Variants in SULF2 observed in about 807,000 individuals in gnomAD.
The protein encoded by SULF2 is extracellular sulfatase Sulf-2.
Under a neutral mutation model 107.7 loss-of-function variants are expected in SULF2, and 52 were observed. The observed-to-expected ratio is 0.48, with a 90% CI of 0.39 to 0.61. The LOEUF (loss-of-function observed/expected upper bound fraction) is 0.61. Among genes scored for constraint, SULF2 ranks in the 20% least tolerant of loss-of-function variants. The pLI is 0.00. For missense variants in SULF2, 993 were observed against 1,177.3 expected (o/e 0.84, Z 2.29); for synonymous variants, 460 against 464.3 (o/e 0.99, Z 0.12).
chr20:47,707,180 G>C (rs934224004), intron 3 of SULF2, among the ~76,000 whole-genome samples: 1 of 151,898 alleles, frequency 6.6e-6, no homozygotes, highest in African/African-American at 2.4e-5. Flanking sequence ...GTAGAGATAG[G>C]GTTTCACCAT....
chr20:47,752,220 G>C (rs1480814344), intron 2 of SULF2, among the ~76,000 whole-genome samples: 3 of 152,204 alleles, frequency 2.0e-5, no homozygotes, highest in Non-Finnish European at 4.4e-5. Context: ...CCAAGTGAGA[G>C]CAAACTGTCA....
rs1360625134 is a variant in SULF2 at position 47,771,983 on chromosome 20, T to A, written c.-101+13360A>T. 2.0e-5 allele frequency among the ~76,000 whole-genome samples: 3 copies of A among 152,312 alleles called. No individual in the cohort carries two copies. In the East Asian group the frequency reaches 5.8e-4, roughly 29 times the overall value. ...GCAGGGGCTCCTGATTTGAGGCAAA[T>A]GGTACAGCCTGATCTGCTCCGAAAG... On this transcript the variant is annotated intron_variant, in intron 1 of 20. Coordinates refer to ENST00000688720, the MANE Select transcript of SULF2 (RefSeq NM_001387048.1).
At chr20:47,711,579 T>C (rs78890139) in intron 3 of SULF2, among the ~76,000 whole-genome samples, 2,276 of 152,314 alleles carry the variant, frequency 0.015, 40 homozygotes, top group Middle Eastern at 0.041. Context: ...TTTCGGTACA[T>C]GTTCATCCCA....
chr20:47,768,882 G>GTTTTT (rs11473246), intron 1 of SULF2, among the ~76,000 whole-genome samples: 3,258 of 127,340 alleles, frequency 0.026, 121 homozygotes, highest in South Asian at 0.055. Context: ...TTGTGTGCGT[G>GTTTTT]TTTTTTTTTT....
intron 2 of SULF2, among the ~76,000 whole-genome samples, chr20:47,744,115 C>T (rs946686184): frequency 3.3e-5 from 5 of 152,150 alleles, no homozygotes; most frequent in South Asian, 2.1e-4. Flanking sequence ...GTGGGGTACA[C>T]GGTGGGTGGG....
intron 18 of SULF2, 61 bp downstream of exon 18, chr20:47,661,712 C>T: frequency 7.1e-7 from 1 of 1,407,704 alleles, no homozygotes; most frequent in South Asian, 1.7e-5. Context: ...ACACCACCTC[C>T]TGAGTCCCTT....
At chr20:47,672,685 T>A in intron 10 of SULF2, 1 of 345,740 alleles carries the variant, frequency 2.9e-6, no homozygotes, top group Non-Finnish European at 4.1e-6. Context: ...GGAATCTTTT[T>A]AAAGGGCAAG....
chr20:47,760,326 G>A (rs1232629426), intron 1 of SULF2, among the ~76,000 whole-genome samples: 3 of 152,160 alleles, frequency 2.0e-5, no homozygotes, highest in African/African-American at 7.2e-5. Flanking sequence ...GAGGTGGTGG[G>A]AAGTCCGTGC....
intron 3 of SULF2, among the ~76,000 whole-genome samples, chr20:47,731,355 G>A (rs1018770079): frequency 6.6e-6 from 1 of 151,752 alleles, no homozygotes; most frequent in African/African-American, 2.4e-5. Context: ...ACCATGCCTG[G>A]CTAATTTTTG....
At chr20:47,685,526 CTTTGT>C (rs1445841792) in intron 5 of SULF2, 4 of 146,982 alleles carry the variant, frequency 2.7e-5, no homozygotes, top group African/African-American at 7.6e-5. Context: ...CACCTGGCCT[CTTTGT>C]TTTGAGATGG....
At chr20:47,731,479 C>T (rs2089610573) in intron 3 of SULF2, among the ~76,000 whole-genome samples, 1 of 152,214 alleles carries the variant, frequency 6.6e-6, no homozygotes, top group East Asian at 1.9e-4. Context: ...AGGCTTCAGT[C>T]ACCGTGCCTG....
intron 10 of SULF2, 98 bp downstream of exon 10, chr20:47,676,396 C>A: frequency 7.1e-7 from 1 of 1,404,536 alleles, no homozygotes; most frequent in Non-Finnish European, 9.6e-7. Flanking sequence ...CGTTGGGAGG[C>A]CCTGGCCCTG....
chr20:47,663,617 C>A lies in SULF2; in HGVS notation c.2063G>T (p.Gly688Val). The A allele has an allele frequency of 2.5e-6, 4 of 1,586,932 alleles. No individual in the cohort carries two copies. The highest frequency in any genetic ancestry group is 1.2e-5 in the South Asian group (1 of 86,740). Residue 688 changes from glycine (G) to valine (V), a missense_variant, in exon 16 of 21, where the codon GGC (glycine) becomes GTC (valine). By Grantham distance (109) the Gly-to-Val change is moderately radical. This residue lies in a region of SULF2 where 497 missense variants were observed against 544.1 expected (regional missense o/e 0.91). Coordinates refer to ENST00000688720, the MANE Select transcript of SULF2 (RefSeq NM_001387048.1). ...RGSSLHPFRKGLQEKDKVWLL... is the reference protein window; with the variant it reads ...RGSSLHPFRKVLQEKDKVWLL... The stretch of plus-strand genomic sequence containing the variant: ...CCACACCTTGTCCTTCTCTTGCAGG[C>A]CCTTCCTATGGGCGCAGAGGGCCAC...
intron 2 of SULF2, among the ~76,000 whole-genome samples, chr20:47,741,183 G>C (rs1377380673): frequency 6.6e-6 from 1 of 152,142 alleles, no homozygotes; most frequent in Non-Finnish European, 1.5e-5. Flanking sequence ...TGCTCACTCA[G>C]AGGAGCCCAA....
chr20:47,747,074 C>A (rs999834680), intron 2 of SULF2, among the ~76,000 whole-genome samples: 1 of 138,758 alleles, frequency 7.2e-6, no homozygotes, highest in Non-Finnish European at 1.5e-5. Flanking sequence ...TATAGATGTG[C>A]TCACTGCTGC....
intron 4 of SULF2, among the ~76,000 whole-genome samples, chr20:47,700,029 T>C (rs946118789): frequency 6.6e-6 from 1 of 151,936 alleles, no homozygotes; most frequent in Non-Finnish European, 1.5e-5. Context: ...GAAAGAGGGA[T>C]GGATTTGGCA....
chr20:47,710,653 T>C (rs2088896981), intron 3 of SULF2, among the ~76,000 whole-genome samples: 1 of 148,750 alleles, frequency 6.7e-6, no homozygotes, highest in Admixed American at 6.6e-5. Context: ...CTAAGGGTTA[T>C]ATTTTCATTA....
At chr20:47,711,457 G>A (rs1455019894) in intron 3 of SULF2, among the ~76,000 whole-genome samples, 1 of 152,226 alleles carries the variant, frequency 6.6e-6, no homozygotes, top group Non-Finnish European at 1.5e-5. Flanking sequence ...GGCCTCCCAA[G>A]AGGCAGCCAG....
intron 3 of SULF2, among the ~76,000 whole-genome samples, chr20:47,708,049 G>A (rs1056733716): frequency 7.9e-5 from 12 of 152,126 alleles, no homozygotes; most frequent in Admixed American, 5.9e-4. Flanking sequence ...GTATCCATTC[G>A]GCAAGTGTTG....
Sources: gnomAD v4.1 joint callset for allele counts (sites outside exome capture counted in the v4.1 genomes callset) on GRCh38, gnomAD v4.1.1 for gene constraint, gnomAD v4.1.1 regional missense constraint, MANE v1.5 for transcripts, NCBI Gene and HGNC (gene_info 2026-07-23, HGNC 2026-07-21) for gene names.